MTUS2: variants seen among roughly 807,000 people sequenced by gnomAD.
MTUS2 encodes the protein microtubule associated scaffold protein 2.
In MTUS2, 40 loss-of-function variants were observed where a neutral mutation model predicts 114.1. The observed-to-expected ratio is 0.35, with a 90% CI of 0.27 to 0.46. MTUS2 has a LOEUF of 0.46. Ranked by LOEUF, MTUS2 falls within the 20% of genes least tolerant of loss-of-function variation. MTUS2 has a pLI of 1.00. For synonymous variants in MTUS2, 688 were observed against 672.0 expected (o/e 1.02, Z -0.37); for missense variants, 1,679 against 1,705.4 (o/e 0.98, Z 0.27).
chr13:29,364,992 CAGT>C (rs1341154676), intron 8 of MTUS2, among the ~76,000 whole-genome samples: 1 of 152,210 alleles, frequency 6.6e-6, no homozygotes, highest in Non-Finnish European at 1.5e-5. Flanking sequence ...GCACATAACA[CAGT>C]AGAGAGTGCT....
At chr13:29,495,486 T>TTCGCATG in intron 12 of MTUS2, among the ~76,000 whole-genome samples, 1 of 152,002 alleles carries the variant, frequency 6.6e-6, no homozygotes, top group Non-Finnish European at 1.5e-5. Context: ...AGCCCAGCAC[T>TTCGCATG]TCGCATGTTA....
At chr13:28,835,784 G>A (rs1176968000) in intron 1 of MTUS2, among the ~76,000 whole-genome samples, 2 of 152,166 alleles carry the variant, frequency 1.3e-5, no homozygotes, top group Non-Finnish European at 1.5e-5. Context: ...ATCTAGATTG[G>A]AAGATTAGAA....
intron 6 of MTUS2, among the ~76,000 whole-genome samples, chr13:29,310,552 C>T (rs559136119): frequency 6.6e-6 from 1 of 152,080 alleles, no homozygotes; most frequent in African/African-American, 2.4e-5. Flanking sequence ...CAAGTGAGTG[C>T]ACAAAAAGGC....
chr13:29,284,397 TTTTTTAAAAAAAAAAAATGATG>T (rs1655354438), intron 6 of MTUS2, among the ~76,000 whole-genome samples: 3 of 60,722 alleles, frequency 4.9e-5, no homozygotes, highest in African/African-American at 7.1e-5. Context: ...GAATAAGCTA[TTTTTTAAAAAAAAAAAATGATG>T]GCCTTCAGGG....
In MTUS2 at chr13:28,987,139, C is replaced by T. The variant is rs140595336; in HGVS notation, c.-242-37318C>T. Among the ~76,000 whole-genome samples, 16 of 152,332 alleles carry T rather than the reference C, an allele frequency of 1.1e-4. No homozygotes were observed. In the East Asian group the frequency reaches 3.1e-3, roughly 29 times the overall value. ...CTCAAAGCTGGACCCCTCGGACTCT[C>T]CTGGAGCTCTGGACTCGTCCACTGG... On this transcript the variant is annotated intron_variant, in intron 2 of 15. Coordinates refer to ENST00000612955, the MANE Select transcript of MTUS2 (RefSeq NM_001033602.4).
At chr13:29,113,589 A>C (rs1890967514) in intron 5 of MTUS2, among the ~76,000 whole-genome samples, 1 of 152,164 alleles carries the variant, frequency 6.6e-6, no homozygotes, top group African/African-American at 2.4e-5. Flanking sequence ...ATCTTATTTA[A>C]TGTTAATGAC....
chr13:29,275,961 C>G (rs551291956), intron 5 of MTUS2, among the ~76,000 whole-genome samples: 16 of 152,252 alleles, frequency 1.1e-4, no homozygotes, highest in African/African-American at 3.8e-4. Flanking sequence ...TTGCCTAATC[C>G]AAGATCATTC....
rs375640187 is a variant in MTUS2, at chr13:29,026,573, G to C, written c.1875G>C (p.Glu625Asp). 4 of 1,613,822 alleles carry C rather than the reference G, an allele frequency of 2.5e-6. No homozygotes were observed. Among genetic ancestry groups the C allele is most frequent in the Non-Finnish European group, 3.4e-6 (4 of 1,179,866 alleles). ...MENYQVEKTEERTETKPIIMP... is the reference protein window; with the variant it reads ...MENYQVEKTEDRTETKPIIMP... ...ACTATCAGGTTGAAAAAACAGAGGA[G>C]AGGACAGAAACTAAGCCCATCATTA... The change falls in exon 3 of 16, where the codon GAG becomes GAC. Residue 625 changes from glutamate (E) to aspartate (D), a missense_variant. Transcript: ENST00000612955.
intron 9 of MTUS2, among the ~76,000 whole-genome samples, chr13:29,452,895 C>T (rs1355200351): frequency 1.3e-5 from 2 of 152,146 alleles, no homozygotes; most frequent in Non-Finnish European, 2.9e-5. Flanking sequence ...TTTGGGACTC[C>T]ATAAATCTAA....
intron 2 of MTUS2, among the ~76,000 whole-genome samples, chr13:28,878,787 A>G (rs2138130508): frequency 6.6e-6 from 1 of 152,318 alleles, no homozygotes; most frequent in Non-Finnish European, 1.5e-5. Flanking sequence ...TGCTGCAGAA[A>G]ACATACATGT....
intron 8 of MTUS2, among the ~76,000 whole-genome samples, chr13:29,383,969 T>C (rs191737308): frequency 3.5e-4 from 53 of 152,328 alleles, no homozygotes; most frequent in Non-Finnish European, 5.6e-4. Context: ...GACAGCCACT[T>C]TGGGGCCATT....
intron 5 of MTUS2, among the ~76,000 whole-genome samples, chr13:29,140,258 T>C (rs751771509): frequency 4.6e-5 from 7 of 152,166 alleles, no homozygotes; most frequent in Non-Finnish European, 1.0e-4. Flanking sequence ...CTTCAGACTT[T>C]TAGGAATAAG....
chr13:28,919,696 A>G (rs1393408039), intron 2 of MTUS2, among the ~76,000 whole-genome samples: 2 of 152,138 alleles, frequency 1.3e-5, no homozygotes, highest in Non-Finnish European at 2.9e-5. Context: ...CTTTAAGGCC[A>G]AAAAACTCTT....
Position 29,456,944 on chromosome 13 carries a change from T to C in MTUS2, c.3184+16895T>C, listed in dbSNP as rs1317361827. 2.6e-5 allele frequency among the ~76,000 whole-genome samples: 4 copies of C among 151,846 alleles called. No individual in the cohort carries two copies. The East Asian group carries it at 5.8e-4, about 22-fold the overall frequency. On this transcript the variant is annotated intron_variant, in intron 9 of 15. Coordinates refer to ENST00000612955, the MANE Select transcript of MTUS2 (RefSeq NM_001033602.4). ...CGAGGTCAGGAGATGGAGACCATCC[T>C]GGCTAACATGGTGAAACCCCGTCTC...
intron 2 of MTUS2, among the ~76,000 whole-genome samples, chr13:28,988,175 T>A (rs1884673285): frequency 6.6e-6 from 1 of 151,508 alleles, no homozygotes; most frequent in Non-Finnish European, 1.5e-5. Context: ...GAACTTCTGT[T>A]TCTGGGACTG....
chr13:29,210,856 A>G (rs1412340651), intron 5 of MTUS2, among the ~76,000 whole-genome samples: 4 of 151,608 alleles, frequency 2.6e-5, no homozygotes, highest in African/African-American at 4.9e-5. Flanking sequence ...ACTCTGAGAG[A>G]GTCCTTGTTT....
chr13:29,106,634 C>T (rs535598959), intron 5 of MTUS2, among the ~76,000 whole-genome samples: 2 of 152,282 alleles, frequency 1.3e-5, no homozygotes, highest in East Asian at 3.9e-4. Context: ...GGATTACAGG[C>T]ATGAGCCACC....
At chr13:29,275,263 T>C (rs907041310) in intron 5 of MTUS2, among the ~76,000 whole-genome samples, 1 of 152,198 alleles carries the variant, frequency 6.6e-6, no homozygotes, top group African/African-American at 2.4e-5. Flanking sequence ...AGTAAGTATG[T>C]ATATTTATGG....
Position 29,480,002 on chromosome 13 carries a change from G to A in MTUS2, c.3185-148G>A, listed in dbSNP as rs73154405. 30,619 of 709,538 alleles carry A rather than the reference G, an allele frequency of 0.043. 772 individuals are homozygous for A. Among genetic ancestry groups the A allele is most frequent in the East Asian group, 0.061 (2,210 of 36,374 alleles). 44.0% of individuals were successfully genotyped at this position (709,538 alleles called of 1,614,324 possible). A position where few individuals can be genotyped will look rare whatever the true frequency, so the allele number is the denominator to read the frequency against. ...GAGGATCTAATGGGTGGAAAGGAAA[G>A]CACTTTACAAACTGTGTAGCCCTGC... On this transcript the variant is annotated intron_variant, in intron 9 of 15. Coordinates refer to ENST00000612955, the MANE Select transcript of MTUS2 (RefSeq NM_001033602.4). This position sits in a 1 kb window ranked among gnomAD's most constrained non-coding sequence, Gnocchi z 4.4.
Sources: gnomAD v4.1 joint callset for allele counts (sites outside exome capture counted in the v4.1 genomes callset) on GRCh38, gnomAD v4.1.1 for gene constraint, Gnocchi (gnomAD v3.1) non-coding constraint, MANE v1.5 for transcripts, NCBI Gene and HGNC (gene_info 2026-07-23, HGNC 2026-07-21) for gene names.